Variants in ARSB observed in about 807,000 individuals in gnomAD.
ARSB encodes N-acetylgalactosamine-4-sulfatase.
ARSB carries 41 observed loss-of-function variants against 50.9 expected under a neutral mutation model. That is an observed-to-expected ratio of 0.81 (90% CI 0.63 to 1.04). The LOEUF (loss-of-function observed/expected upper bound fraction) is 1.04, where lower values mean the gene tolerates loss of function less well. Among genes scored for constraint, ARSB ranks in the 50% least tolerant of loss-of-function variants. ARSB has a pLI of 0.00. For synonymous variants in ARSB, 269 were observed against 284.8 expected (o/e 0.94, Z 0.56); for missense variants, 672 against 693.3 (o/e 0.97, Z 0.35).
chr5:78,863,264 C>T (rs1009367315), intron 5 of ARSB, among the ~76,000 whole-genome samples: 6 of 152,086 alleles, frequency 3.9e-5, no homozygotes, highest in African/African-American at 1.4e-4. Context: ...TGGGTATATA[C>T]CCAAAGGATT....
Position 78,969,112 on chromosome 5 carries a change from C to A in ARSB, c.393G>T (p.Gln131His), listed in dbSNP as rs139174369. Residue 131 changes from glutamine to histidine, a missense_variant, in exon 2 of 8, where the codon CAG becomes CAT. Transcript: ENST00000264914. Reference sequence around the variant, plus strand: ...TAGTATAACCTGCTTCTTTTAGGAGCTGGGGCAGGAGTTTTTCATCCAGAG... The same window carrying A: ...TAGTATAACCTGCTTCTTTTAGGAGATGGGGCAGGAGTTTTTCATCCAGAG... ...CVPLDEKLLPQLLKEAGYTTH... is the reference protein window; with the variant it reads ...CVPLDEKLLPHLLKEAGYTTH... 1.8e-5 allele frequency: 29 copies of A among 1,613,994 alleles called. No individual in the cohort carries two copies. The African/African-American group carries it at 2.7e-4, about 15-fold the overall frequency.
chr5:78,846,032 T>C (rs1745428791), intron 5 of ARSB, among the ~76,000 whole-genome samples: 2 of 152,188 alleles, frequency 1.3e-5, no homozygotes, highest in South Asian at 4.1e-4. Context: ...ATTTAAGTCA[T>C]TAACCCATTT....
chr5:78,827,793 A>T (rs1744500215), intron 6 of ARSB, among the ~76,000 whole-genome samples: 2 of 152,086 alleles, frequency 1.3e-5, no homozygotes, highest in South Asian at 4.1e-4. Context: ...TGTCATTCCA[A>T]AGAATTCTGG....
intron 6 of ARSB, among the ~76,000 whole-genome samples, chr5:78,787,137 T>TCTAG: frequency 6.8e-6 from 1 of 147,238 alleles, no homozygotes; most frequent in Admixed American, 6.8e-5. Context: ...TATCTATCTA[T>TCTAG]ATAGATACAG....
chr5:78,982,543 G>A (rs1752952089), intron 1 of ARSB, among the ~76,000 whole-genome samples: 1 of 152,176 alleles, frequency 6.6e-6, no homozygotes, highest in South Asian at 2.1e-4. Context: ...CTAGGGCCAC[G>A]TGCCCTGGGT....
At chr5:78,914,198 C>T (rs1749442933) in intron 4 of ARSB, among the ~76,000 whole-genome samples, 1 of 152,102 alleles carries the variant, frequency 6.6e-6, no homozygotes, top group African/African-American at 2.4e-5. Flanking sequence ...TTCCTGGCCT[C>T]AAGTAATCTT....
At chr5:78,781,791 G>A in intron 7 of ARSB, 61 bp downstream of exon 7, 1 of 1,609,362 alleles carries the variant, frequency 6.2e-7, no homozygotes, top group Non-Finnish European at 8.5e-7. Flanking sequence ...ATACTGCCCT[G>A]AGGACACAGC....
At chr5:78,913,427 AT>A (rs1749399062) in intron 4 of ARSB, among the ~76,000 whole-genome samples, 1 of 152,334 alleles carries the variant, frequency 6.6e-6, no homozygotes, top group South Asian at 2.1e-4. Flanking sequence ...GCCCGGCTTA[AT>A]TCGCTTTTGA....
rs1748797909 is a variant in ARSB, at chr5:78,777,295, C to A, written c.*3102G>T. On this transcript the variant is annotated 3_prime_UTR_variant, in exon 8 of 8. Transcript: ENST00000264914. ...TTATGTACTATAAAGTTGGTTGACACATTTAAAAATTGTAATAAAACATAA... is the reference window on the plus strand; with the variant it reads ...TTATGTACTATAAAGTTGGTTGACAAATTTAAAAATTGTAATAAAACATAA... The A allele has an allele frequency of 1.3e-5, 2 of 152,342 alleles. No homozygotes were observed. Among genetic ancestry groups the A allele is most frequent in the African/African-American group, 4.8e-5 (2 of 41,408 alleles). The allele number at this position is 152,342 out of a possible 1,614,324, so 9.4% of individuals were successfully genotyped here.
At chr5:78,782,287 CT>C (rs956622249) in intron 6 of ARSB, among the ~76,000 whole-genome samples, 13 of 152,082 alleles carry the variant, frequency 8.5e-5, no homozygotes, top group Non-Finnish European at 1.2e-4. Flanking sequence ...AGCAGAGTGA[CT>C]TTTTTTTGGT....
intron 4 of ARSB, among the ~76,000 whole-genome samples, chr5:78,929,378 C>T (rs1307203880): frequency 6.6e-6 from 1 of 152,058 alleles, no homozygotes; most frequent in Non-Finnish European, 1.5e-5. Flanking sequence ...GCCTCAGACA[C>T]GGGAAAGGAA....
intron 5 of ARSB, among the ~76,000 whole-genome samples, chr5:78,841,155 ACT>A (rs1491552488): frequency 5.4e-4 from 71 of 131,854 alleles, no homozygotes; most frequent in Admixed American, 1.3e-3. Context: ...TACTACTACT[ACT>A]ACTACTACTA....
At chr5:78,830,460 G>T (rs1314913779) in intron 6 of ARSB, among the ~76,000 whole-genome samples, 1 of 152,144 alleles carries the variant, frequency 6.6e-6, no homozygotes, top group Non-Finnish European at 1.5e-5. Flanking sequence ...TGGGGCAGCG[G>T]GATTTGCCAT....
chr5:78,873,545 G>A (rs959421596), intron 5 of ARSB, among the ~76,000 whole-genome samples: 1 of 116,276 alleles, frequency 8.6e-6, no homozygotes, highest in African/African-American at 3.2e-5. Flanking sequence ...GCCCAGGCTG[G>A]AGTGCAGTGG....
intron 6 of ARSB, among the ~76,000 whole-genome samples, chr5:78,833,585 G>A (rs1744791878): frequency 6.6e-6 from 1 of 152,190 alleles, no homozygotes; most frequent in Non-Finnish European, 1.5e-5. Context: ...TAAAAGCAGA[G>A]CTAGGGTTGG....
intron 4 of ARSB, among the ~76,000 whole-genome samples, chr5:78,897,659 A>AT (rs1748626806): frequency 6.6e-6 from 1 of 152,182 alleles, no homozygotes; most frequent in South Asian, 2.1e-4. Context: ...AGTGGCATAA[A>AT]TGTATGGGAA....
chr5:78,845,470 G>T (rs1745404841), intron 5 of ARSB, among the ~76,000 whole-genome samples: 1 of 152,000 alleles, frequency 6.6e-6, no homozygotes, highest in Admixed American at 6.6e-5. Flanking sequence ...TTCCACAATG[G>T]CTAGACTAAT....
chr5:78,814,840 C>T (rs1743932989), intron 6 of ARSB, among the ~76,000 whole-genome samples: 1 of 150,674 alleles, frequency 6.6e-6, no homozygotes, highest in Non-Finnish European at 1.5e-5. Context: ...GATCCTGAAG[C>T]TGCATGAAGG....
chr5:78,897,857 T>C (rs1327286389), intron 4 of ARSB, among the ~76,000 whole-genome samples: 1 of 152,154 alleles, frequency 6.6e-6, no homozygotes, highest in Admixed American at 6.5e-5. Flanking sequence ...CACCAATTTT[T>C]AAATATTTTT....
Sources: gnomAD v4.1 joint callset for allele counts (sites outside exome capture counted in the v4.1 genomes callset) on GRCh38, gnomAD v4.1.1 for gene constraint, MANE v1.5 for transcripts, NCBI Gene and HGNC (gene_info 2026-07-23, HGNC 2026-07-21) for gene names.